The following SHROOM2 variants were observed in gnomAD, a reference collection of about 807,000 sequenced individuals.
SHROOM2 encodes shroom family member 2, also known as protein Shroom2.
In SHROOM2, 33 loss-of-function variants were observed where a neutral mutation model predicts 75.9. That is an observed-to-expected ratio of 0.43 (90% CI 0.33 to 0.58). SHROOM2 has a LOEUF of 0.58. SHROOM2 is among the 20% of genes least tolerant of loss of function. The pLI is 0.04. For missense variants in SHROOM2, 1,434 were observed against 1,461.2 expected (o/e 0.98, Z 0.30); for synonymous variants, 655 against 663.6 (o/e 0.99, Z 0.20).
At chrX:9,922,857 T>C (rs889425363) in intron 5 of SHROOM2, among the ~76,000 whole-genome samples, 6 of 111,399 alleles carry the variant, frequency 5.4e-5, no homozygotes, top group Non-Finnish European at 9.4e-5. Flanking sequence ...CTTTCTGGAA[T>C]TGAGTTCATG....
chrX:9,790,599 A>G (rs2083642117), intron 1 of SHROOM2, among the ~76,000 whole-genome samples: 1 of 111,141 alleles, frequency 9.0e-6, no homozygotes, highest in South Asian at 3.8e-4. Flanking sequence ...TCTCTAAGTG[A>G]TGTCCGAGTT....
chrX:9,870,119 G>A (rs1183947458), intron 1 of SHROOM2, among the ~76,000 whole-genome samples: 2 of 111,340 alleles, frequency 1.8e-5, no homozygotes, highest in Non-Finnish European at 3.8e-5. Flanking sequence ...CCAGCTATTC[G>A]GGAGACTGAG....
chrX:9,790,661 T>C (rs904089078), intron 1 of SHROOM2, among the ~76,000 whole-genome samples: 20 of 111,823 alleles, frequency 1.8e-4, no homozygotes, highest in Admixed American at 9.5e-5. Context: ...CTTCAGCTAT[T>C]AGGATAAGTG....
chrX:9,941,895 T>C (rs186906329), intron 8 of SHROOM2, among the ~76,000 whole-genome samples: 7,066 of 98,836 alleles, frequency 0.071, 472 homozygotes, highest in East Asian at 0.31. Flanking sequence ...GGCGTGAACC[T>C]GGGAGGCGGA....
chrX:9,924,097 C>G (rs2084571852), intron 5 of SHROOM2, among the ~76,000 whole-genome samples: 1 of 112,260 alleles, frequency 8.9e-6, no homozygotes. Flanking sequence ...GGAGCAGCTT[C>G]AGCAGAGACA....
intron 1 of SHROOM2, among the ~76,000 whole-genome samples, chrX:9,804,345 C>T (rs1461575582): frequency 8.9e-6 from 1 of 112,279 alleles, no homozygotes; most frequent in Admixed American, 9.5e-5. Context: ...ATGCAACGGT[C>T]TACAAGCCCA....
At chrX:9,843,331 G>T (rs1355979890) in intron 1 of SHROOM2, among the ~76,000 whole-genome samples, 5 of 109,532 alleles carry the variant, frequency 4.6e-5, no homozygotes, top group Non-Finnish European at 9.5e-5. Context: ...CCCAAACTTT[G>T]TTCCTATTTC....
intron 1 of SHROOM2, among the ~76,000 whole-genome samples, chrX:9,816,506 C>G (rs146434082): frequency 8.9e-6 from 1 of 112,406 alleles, no homozygotes; most frequent in East Asian, 2.8e-4. Context: ...GCTGAGCCTT[C>G]AGGAAGACAT....
chrX:9,793,120 C>CAA (rs1235737339), intron 1 of SHROOM2, among the ~76,000 whole-genome samples: 3 of 111,661 alleles, frequency 2.7e-5, no homozygotes, highest in African/African-American at 9.8e-5. Flanking sequence ...GGTCATTTGG[C>CAA]CTGACTACTG....
chrX:9,948,764 C>G lies in SHROOM2; in HGVS notation c.*1827C>G, dbSNP rs948305741. 1 of 113,020 alleles carries G rather than the reference C, an allele frequency of 8.8e-6. No homozygotes were observed. Among genetic ancestry groups the G allele is most frequent in the African/African-American group, 3.2e-5 (1 of 31,076 alleles). 9.3% of individuals were successfully genotyped at this position (113,020 alleles called of 1,213,427 possible). ...AAGCTCTTGCTAACTTGAAAAATCC[C>G]TGTTCTGCCAGCGAAGCTTCCTCCT... On this transcript the variant is annotated 3_prime_UTR_variant, in exon 10 of 10. Coordinates refer to ENST00000380913, the MANE Select transcript of SHROOM2 (RefSeq NM_001649.4).
chrX:9,936,543 C>CG (rs1156653155), intron 6 of SHROOM2, among the ~76,000 whole-genome samples: 1 of 111,801 alleles, frequency 8.9e-6, no homozygotes, highest in Non-Finnish European at 1.9e-5. Flanking sequence ...GCACAGCGGG[C>CG]GGGGGGTACA....
chrX:9,907,182 G>A (rs2084396798), intron 5 of SHROOM2, among the ~76,000 whole-genome samples: 1 of 111,557 alleles, frequency 9.0e-6, no homozygotes, highest in South Asian at 3.8e-4. Flanking sequence ...GTATGTGGAT[G>A]TCCTCTGCAG....
intron 5 of SHROOM2, among the ~76,000 whole-genome samples, chrX:9,900,091 T>C (rs1198588040): frequency 9.0e-6 from 1 of 111,451 alleles, no homozygotes; most frequent in Non-Finnish European, 1.9e-5. Context: ...CCCTGCTTCA[T>C]TCATCAAGGC....
intron 1 of SHROOM2, among the ~76,000 whole-genome samples, chrX:9,868,830 T>C (rs765919211): frequency 1.0e-5 from 1 of 98,645 alleles, no homozygotes; most frequent in Admixed American, 1.2e-4. Context: ...TCCTTCCACA[T>C]TGGCCTCCCA....
intron 1 of SHROOM2, among the ~76,000 whole-genome samples, chrX:9,823,581 T>A (rs756067937): frequency 4.5e-5 from 5 of 110,955 alleles, no homozygotes; most frequent in Non-Finnish European, 9.4e-5. Flanking sequence ...CTTCACTGCA[T>A]GTAAAATTGT....
Position 9,895,484 on chromosome X carries a change from C to T in SHROOM2, c.1576C>T (p.Pro526Ser), listed in dbSNP as rs1456160560. The change falls in exon 4 of 10, where the codon CCT (proline) becomes TCT (serine). Residue 526 changes from proline to serine, a missense_variant. By Grantham distance (74) the Pro-to-Ser change is moderately conservative. Transcript: ENST00000380913. ...CCATCACCTACCTCAGCCTGAGGGTCCTCCGGATGCCCGCGAGACAGGACG... is the reference window on the plus strand; with the variant it reads ...CCATCACCTACCTCAGCCTGAGGGTTCTCCGGATGCCCGCGAGACAGGACG... Reference protein sequence around the residue: ...PRHHLPQPEGPPDARETGRCY... With the variant: ...PRHHLPQPEGSPDARETGRCY... The T allele has an allele frequency of 1.7e-6, 2 of 1,208,120 alleles. No homozygotes were observed. The highest frequency in any genetic ancestry group is 2.2e-6 in the Non-Finnish European group (2 of 894,115).
At chrX:9,933,160 C>G (rs1017911916) in intron 6 of SHROOM2, among the ~76,000 whole-genome samples, 3 of 111,014 alleles carry the variant, frequency 2.7e-5, no homozygotes, top group Non-Finnish European at 3.8e-5. Context: ...GCATTACCCA[C>G]AGGCATCTGC....
intron 1 of SHROOM2, among the ~76,000 whole-genome samples, chrX:9,863,346 G>A (rs755059924): frequency 3.9e-4 from 43 of 110,874 alleles, no homozygotes; most frequent in African/African-American, 1.1e-3. Context: ...TCACCCAGCC[G>A]TAGGTTTTCT....
At chrX:9,816,727 G>A (rs959803872) in intron 1 of SHROOM2, among the ~76,000 whole-genome samples, 5 of 110,950 alleles carry the variant, frequency 4.5e-5, no homozygotes, top group African/African-American at 9.8e-5. Flanking sequence ...GATAGTGCTC[G>A]GGACGGTGTC....
Sources: gnomAD v4.1 joint callset for allele counts (sites outside exome capture counted in the v4.1 genomes callset) on GRCh38, gnomAD v4.1.1 for gene constraint, MANE v1.5 for transcripts, NCBI Gene and HGNC (gene_info 2026-07-23, HGNC 2026-07-21) for gene names.